The following SNTB2 variants were observed in gnomAD, a reference collection of about 807,000 sequenced individuals.
The protein encoded by SNTB2 is syntrophin beta 2.
In SNTB2, 34 loss-of-function variants were observed where a neutral mutation model predicts 46.2. The observed-to-expected ratio is 0.74, with a 90% confidence interval of 0.56 to 0.98. SNTB2 has a LOEUF of 0.98. Ranked by LOEUF, SNTB2 falls within the 50% of genes least tolerant of loss-of-function variation. The pLI, the probability that SNTB2 is intolerant of heterozygous loss-of-function variation, is 0.00. For missense variants in SNTB2, 603 were observed against 731.4 expected (o/e 0.82, Z 2.02); for synonymous variants, 290 against 312.6 (o/e 0.93, Z 0.76).
intron 4 of SNTB2, among the ~76,000 whole-genome samples, chr16:69,277,161 A>G (rs1964991797): frequency 6.6e-6 from 1 of 152,204 alleles, no homozygotes. Context: ...GGTATTTGTC[A>G]CATCACCAAA....
At position 69,280,202 on chromosome 16, in the gene SNTB2, A is replaced by C. The variant is rs374313856; in HGVS notation, c.1149-3846A>C. Among the ~76,000 whole-genome samples, 966 of 152,362 alleles carry C rather than the reference A, an allele frequency of 6.3e-3. 6 individuals are homozygous for C. Among genetic ancestry groups the C allele is most frequent in the African/African-American group, 0.021 (865 of 41,598 alleles). ...GGTAAGGTCACCGATCAACAGGATC[A>C]CAAGGCAGAAGAATTTTTCTTAGTA... On this transcript the variant is annotated intron_variant, in intron 4 of 6. Coordinates refer to ENST00000336278, the MANE Select transcript of SNTB2 (RefSeq NM_006750.4).
chr16:69,198,146 T>C (rs1473253107), intron 1 of SNTB2, among the ~76,000 whole-genome samples: 1 of 149,108 alleles, frequency 6.7e-6, no homozygotes, highest in East Asian at 2.1e-4. Flanking sequence ...AGCCTCGCTC[T>C]GTCGCCTAGG....
intron 5 of SNTB2, among the ~76,000 whole-genome samples, chr16:69,294,817 G>T (rs911863626): frequency 1.3e-5 from 2 of 149,684 alleles, no homozygotes; most frequent in African/African-American, 2.5e-5. Context: ...TGTAGTTTTT[G>T]ATTTTTTTTT....
chr16:69,196,515 CAGACA>C (rs1350479378), intron 1 of SNTB2, among the ~76,000 whole-genome samples: 1 of 151,652 alleles, frequency 6.6e-6, no homozygotes, highest in Non-Finnish European at 1.5e-5. Flanking sequence ...GCTGGGATTA[CAGACA>C]CGCGCTACCA....
In SNTB2 at chr16:69,284,147, CTT is replaced by C; in HGVS notation, c.1249_1250del (p.Phe417GlnfsTer24). ...GSRQGIEMHL[F>X]RVETHRDLSS... ...CTCGACAGGGCATTGAGATGCATCT[CTT>C]CAGGGTGGAGACACATCGGGATCTG... On this transcript the variant is annotated frameshift_variant, in exon 5 of 7. Transcript: ENST00000336278. LOFTEE classifies it high-confidence loss of function. 1 of 1,614,016 alleles carries C rather than the reference CTT, an allele frequency of 6.2e-7. No individual in the cohort carries two copies. Among genetic ancestry groups the C allele is most frequent in the Non-Finnish European group, 8.5e-7 (1 of 1,180,004 alleles).
At chr16:69,215,976 A>G (rs1486851089) in intron 1 of SNTB2, among the ~76,000 whole-genome samples, 1 of 152,112 alleles carries the variant, frequency 6.6e-6, no homozygotes, top group East Asian at 1.9e-4. Flanking sequence ...CTAATTAAAA[A>G]GAAAAAAATT....
intron 1 of SNTB2, among the ~76,000 whole-genome samples, chr16:69,219,713 A>G (rs547530446): frequency 5.4e-5 from 8 of 148,530 alleles, no homozygotes; most frequent in African/African-American, 1.3e-4. Flanking sequence ...ACCAGATTTT[A>G]TTTTATTTTG....
intron 1 of SNTB2, among the ~76,000 whole-genome samples, chr16:69,243,265 C>T (rs565983863): frequency 6.6e-6 from 1 of 152,208 alleles, no homozygotes; most frequent in East Asian, 1.9e-4. Flanking sequence ...AAGGCCTTAA[C>T]ATAGGACTGA....
chr16:69,279,443 T>C (rs1471055825), intron 4 of SNTB2, among the ~76,000 whole-genome samples: 1 of 151,276 alleles, frequency 6.6e-6, no homozygotes. Context: ...GTAGTGAACA[T>C]AGGTGGGCAA....
intron 1 of SNTB2, among the ~76,000 whole-genome samples, chr16:69,207,235 A>T (rs1597172194): frequency 6.8e-6 from 1 of 146,848 alleles, no homozygotes; most frequent in South Asian, 2.2e-4. Context: ...GCTCACTGCA[A>T]CTCCACCTCA....
Position 69,187,723 on chromosome 16 carries a change from C to A in SNTB2, c.557C>A (p.Ala186Glu). Residue 186 changes from alanine (A) to glutamate (E), a missense_variant, in exon 1 of 7, where the codon GCG (alanine) becomes GAG (glutamate). Ala to Glu is a moderately radical substitution (Grantham distance 107, BLOSUM62 -1). This residue lies in a region of SNTB2 where 537 missense variants were observed against 692.4 expected (regional missense o/e 0.78). Transcript: ENST00000336278. The stretch of plus-strand genomic sequence containing the variant: ...CAGGCCGTGCAGGCGCTGAAGCGCG[C>A]GGGCAAGGAGGTGCTGCTGGAGGGT... ...HDQAVQALKR[A>E]GKEVLLEVKF... The A allele has an allele frequency of 8.1e-7, 1 of 1,227,376 alleles. No homozygotes were observed. The highest frequency in any genetic ancestry group is 1.0e-6 in the Non-Finnish European group (1 of 957,824). 76.0% of individuals were successfully genotyped at this position (1,227,376 alleles called of 1,614,324 possible). A position where few individuals can be genotyped will look rare whatever the true frequency, so the allele number is the denominator to read the frequency against.
At chr16:69,284,476 A>G (rs1210574988) in intron 5 of SNTB2, among the ~76,000 whole-genome samples, 18 of 148,502 alleles carry the variant, frequency 1.2e-4, no homozygotes, top group African/African-American at 3.2e-4. Context: ...AAAAAAAAAA[A>G]AAAAAAAAAA....
At chr16:69,266,892 T>C (rs1487450500) in intron 3 of SNTB2, among the ~76,000 whole-genome samples, 2 of 152,118 alleles carry the variant, frequency 1.3e-5, no homozygotes, top group Non-Finnish European at 2.9e-5. Flanking sequence ...GATTTTCGTA[T>C]TTTTTGTGGA....
intron 1 of SNTB2, among the ~76,000 whole-genome samples, chr16:69,222,440 A>G (rs1023300249): frequency 2.6e-5 from 4 of 151,998 alleles, no homozygotes; most frequent in Non-Finnish European, 1.5e-5. Flanking sequence ...TAAAAATACA[A>G]AAATTGGTTG....
At position 69,256,101 on chromosome 16, in the gene SNTB2, G is replaced by T. The variant is rs568418702; in HGVS notation, c.795-3949G>T. On this transcript the variant is annotated intron_variant, in intron 2 of 6. Transcript: ENST00000336278. ...CTCGGGAGGCTGAGGCAGGAGAATC[G>T]CTTGAAACCAGAAAGCAGAGGTTGC... Among the ~76,000 whole-genome samples the T allele has an allele frequency of 2.2e-3, 340 of 152,014 alleles. 3 individuals are homozygous for T. The highest frequency in any genetic ancestry group is 4.1e-3 in the Non-Finnish European group (276 of 67,980).
chr16:69,249,289 G>A (rs996036693), intron 2 of SNTB2, among the ~76,000 whole-genome samples: 1 of 152,126 alleles, frequency 6.6e-6, no homozygotes, highest in Non-Finnish European at 1.5e-5. Flanking sequence ...GTCTCCCAAA[G>A]TGCTGGGGTT....
At chr16:69,293,677 G>T (rs1224569607) in intron 5 of SNTB2, among the ~76,000 whole-genome samples, 2 of 152,144 alleles carry the variant, frequency 1.3e-5, no homozygotes, top group Admixed American at 1.3e-4. Flanking sequence ...AATGAGAGAG[G>T]CTTGAGCATT....
In SNTB2 at chr16:69,301,204, T is replaced by TAAAA; in HGVS notation, c.*282_*285dup. The TAAAA allele has an allele frequency of 3.5e-6, 1 of 283,744 alleles. No individual in the cohort carries two copies. Among genetic ancestry groups the TAAAA allele is most frequent in the Non-Finnish European group, 6.7e-6 (1 of 149,204 alleles). 17.6% of individuals were successfully genotyped at this position (283,744 alleles called of 1,614,324 possible). ...GAGTAATTAGGTTTATTTCTACTGC[T>TAAAA]AAAAAGAATGGCTCATTGTTTTCTT... On this transcript the variant is annotated 3_prime_UTR_variant, in exon 7 of 7. Transcript: ENST00000336278.
intron 1 of SNTB2, among the ~76,000 whole-genome samples, chr16:69,232,845 T>A (rs1964521688): frequency 6.6e-6 from 1 of 152,130 alleles, no homozygotes; most frequent in African/African-American, 2.4e-5. Context: ...AAATTTTAAT[T>A]GCTGGGGACA....
Sources: gnomAD v4.1 joint callset for allele counts (sites outside exome capture counted in the v4.1 genomes callset) on GRCh38, gnomAD v4.1.1 for gene constraint, gnomAD v4.1.1 regional missense constraint, MANE v1.5 for transcripts, NCBI Gene and HGNC (gene_info 2026-07-23, HGNC 2026-07-21) for gene names.